The following PARD3B variants were observed in gnomAD, a reference collection of about 807,000 sequenced individuals.
PARD3B encodes the protein par-3 family cell polarity regulator beta.
Under a neutral mutation model 130.2 loss-of-function variants are expected in PARD3B, and 103 were observed. That is an observed-to-expected ratio of 0.79 (90% CI 0.67 to 0.93). The LOEUF is 0.93. Among genes scored for constraint, PARD3B ranks in the 40% least tolerant of loss-of-function variants. PARD3B has a pLI of 0.00. For synonymous variants in PARD3B, 583 were observed against 553.2 expected, an observed-to-expected ratio of 1.05 and a Z score of -0.76; for missense variants, 1,609 against 1,499.2, an observed-to-expected ratio of 1.07 and a Z score of -1.21.
intron 10 of PARD3B, among the ~76,000 whole-genome samples, chr2:205,152,822 G>A (rs890485782): frequency 2.0e-5 from 3 of 152,290 alleles, no homozygotes; most frequent in South Asian, 4.1e-4. Context: ...GCGATCCTTT[G>A]GAGGAGAAGA....
chr2:205,546,050 C>A (rs2052365280), intron 21 of PARD3B, among the ~76,000 whole-genome samples: 1 of 152,152 alleles, frequency 6.6e-6, no homozygotes. Context: ...TCCTAACACC[C>A]CAGCCGGCAG....
At chr2:205,380,307 A>G (rs187834496) in intron 18 of PARD3B, among the ~76,000 whole-genome samples, 6 of 20,992 alleles carry the variant, frequency 2.9e-4, no homozygotes, top group Admixed American at 1.3e-3. Flanking sequence ...TATATATTAT[A>G]TAAAGAATAT....
intron 20 of PARD3B, among the ~76,000 whole-genome samples, chr2:205,455,702 G>C (rs1349210764): frequency 1.3e-5 from 2 of 151,886 alleles, no homozygotes; most frequent in Non-Finnish European, 2.9e-5. Flanking sequence ...TCTAGAGTCA[G>C]AAGTTGCAGA....
chr2:205,479,895 ATTTTTTTTTTT>A (rs71032475), intron 20 of PARD3B, among the ~76,000 whole-genome samples: 11,720 of 128,062 alleles, frequency 0.092, 521 homozygotes, highest in East Asian at 0.13. Flanking sequence ...GCCATATGCA[ATTTTTTTTTTT>A]TTTTTTTTTT....
chr2:205,170,537 A>G (rs990092396), intron 11 of PARD3B, among the ~76,000 whole-genome samples: 2 of 152,218 alleles, frequency 1.3e-5, no homozygotes, highest in African/African-American at 2.4e-5. Context: ...CGGCCCCTGC[A>G]ATCCCACGTG....
intron 14 of PARD3B, among the ~76,000 whole-genome samples, chr2:205,189,038 G>C (rs2036252249): frequency 6.6e-6 from 1 of 152,182 alleles, no homozygotes; most frequent in Non-Finnish European, 1.5e-5. Flanking sequence ...TAAACTTACT[G>C]TGAGATCTCA....
chr2:205,147,630 G>T (rs1480751024), intron 10 of PARD3B, among the ~76,000 whole-genome samples: 1 of 151,992 alleles, frequency 6.6e-6, no homozygotes, highest in African/African-American at 2.4e-5. Context: ...GAAAAAAAAT[G>T]TCTGAATTAT....
chr2:205,073,637 A>G (rs1700872878), intron 4 of PARD3B, among the ~76,000 whole-genome samples: 1 of 152,122 alleles, frequency 6.6e-6, no homozygotes, highest in Non-Finnish European at 1.5e-5. Context: ...AGTAGGATAA[A>G]CTTGTTTTTA....
In PARD3B at chr2:205,595,830, C is replaced by G. The variant is rs561674964; in HGVS notation, c.3261-19626C>G. Among the ~76,000 whole-genome samples, 3 of 152,148 alleles carry G rather than the reference C, an allele frequency of 2.0e-5. No individual in the cohort carries two copies. In the South Asian group the frequency reaches 6.2e-4, roughly 32 times the overall value. ...AAGCACTCATCAATGGCCCTGGACC[C>G]ACATACTAGTTTGCTAAAAGGAGTG... On this transcript the variant is annotated intron_variant, in intron 22 of 22. Coordinates refer to ENST00000406610, the MANE Select transcript of PARD3B (RefSeq NM_001302769.2).
In PARD3B at chr2:205,194,694, A is replaced by AAGAG. The variant is rs200853434; in HGVS notation, c.2140+1378_2140+1381dup. ...GAAAAAACAGCACCCATTTTAAATT[A>AAGAG]AGAGAGAAAAAATATTATGAAACCT... On this transcript the variant is annotated intron_variant, in intron 15 of 22. Coordinates refer to ENST00000406610, the MANE Select transcript of PARD3B (RefSeq NM_001302769.2). 1.7e-3 allele frequency among the ~76,000 whole-genome samples: 257 copies of AAGAG among 152,274 alleles called. 8 individuals are homozygous for AAGAG. In the East Asian group the frequency reaches 0.039, roughly 23 times the overall value.
chr2:205,457,694 A>T (rs2048321201), intron 20 of PARD3B, among the ~76,000 whole-genome samples: 1 of 151,540 alleles, frequency 6.6e-6, no homozygotes, highest in African/African-American at 2.4e-5. Context: ...ATTGCCAGTG[A>T]TTTTTTTCTT....
intron 18 of PARD3B, among the ~76,000 whole-genome samples, chr2:205,384,435 T>C (rs567274128): frequency 6.6e-6 from 1 of 152,198 alleles, no homozygotes; most frequent in East Asian, 1.9e-4. Context: ...TCTAGTAAAA[T>C]AGATCTGAGT....
At chr2:204,894,025 C>T (rs2125693997) in intron 2 of PARD3B, among the ~76,000 whole-genome samples, 1 of 151,132 alleles carries the variant, frequency 6.6e-6, no homozygotes, top group South Asian at 2.1e-4. Context: ...TTCAAAGACA[C>T]TAAGACCTTA....
rs1213162477 is a variant in PARD3B, at chr2:205,104,406, A to T, written c.505-20A>T. On this transcript the variant is annotated intron_variant, in intron 4 of 22. Transcript: ENST00000406610. The stretch of plus-strand genomic sequence containing the variant: ...TCAATATGCACAGCATCACATGCTT[A>T]TGACTTTGTTTCACTATAGGATTCC... The T allele has an allele frequency of 1.3e-6, 2 of 1,525,790 alleles. No individual in the cohort carries two copies. The highest frequency in any genetic ancestry group is 2.3e-5 in the East Asian group (1 of 44,352). 94.5% of individuals were successfully genotyped at this position (1,525,790 alleles called of 1,614,324 possible). A position where few individuals can be genotyped will look rare whatever the true frequency, so the allele number is the denominator to read the frequency against.
In PARD3B at chr2:204,861,126, A is replaced by G. The variant is rs994427455; in HGVS notation, c.223-104026A>G. On this transcript the variant is annotated intron_variant, in intron 2 of 22. Transcript: ENST00000406610. ...TCATTGGGGGCTGCTACAATTTTTC[A>G]TTTGTAGCTTTTTCACCTATTGCTA... Among the ~76,000 whole-genome samples the G allele has an allele frequency of 3.5e-5, 5 of 142,410 alleles. No homozygotes were observed. The Admixed American group carries it at 3.6e-4, about 10-fold the overall frequency. The allele number at this position is 142,410 out of a possible 152,430, so 93.4% of individuals were successfully genotyped here. A position where few individuals can be genotyped will look rare whatever the true frequency, so the allele number is the denominator to read the frequency against.
intron 11 of PARD3B, among the ~76,000 whole-genome samples, chr2:205,166,736 C>T (rs1221034516): frequency 6.6e-6 from 1 of 152,120 alleles, no homozygotes; most frequent in Admixed American, 6.5e-5. Flanking sequence ...GAGAAGGATT[C>T]GTTGAAGATA....
At chr2:204,919,927 C>CTT (rs568605072) in intron 2 of PARD3B, among the ~76,000 whole-genome samples, 1 of 148,194 alleles carries the variant, frequency 6.7e-6, no homozygotes, top group East Asian at 2.0e-4. Context: ...CAGACAGTCA[C>CTT]TTTTTTTTTT....
chr2:204,706,260 G>A (rs950362450), intron 2 of PARD3B, among the ~76,000 whole-genome samples: 27 of 151,710 alleles, frequency 1.8e-4, no homozygotes, highest in Admixed American at 3.3e-4. Flanking sequence ...CCAGCCACTC[G>A]GGAGGCTGAG....
Position 205,241,496 on chromosome 2 carries a change from C to T in PARD3B, c.2141-4282C>T, listed in dbSNP as rs768960555. ...CTTCAATTATTGTAATATCCATTTACGATAATCAAGAGCAAGTAGTACCAG... is the reference window on the plus strand; with the variant it reads ...CTTCAATTATTGTAATATCCATTTATGATAATCAAGAGCAAGTAGTACCAG... On this transcript the variant is annotated intron_variant, in intron 15 of 22. Transcript: ENST00000406610. This position sits in a 1 kb window ranked among gnomAD's most constrained non-coding sequence, Gnocchi z 4.2. Among the ~76,000 whole-genome samples, 3 of 151,658 alleles carry T rather than the reference C, an allele frequency of 2.0e-5. No homozygotes were observed. Among genetic ancestry groups the T allele is most frequent in the South Asian group, 2.1e-4 (1 of 4,808 alleles).
Sources: allele counts gnomAD v4.1 joint callset (sites outside exome capture counted in the v4.1 genomes callset), GRCh38; gene constraint gnomAD v4.1.1; non-coding constraint Gnocchi (gnomAD v3.1); transcripts MANE v1.5; gene names NCBI Gene and HGNC (gene_info 2026-07-23, HGNC 2026-07-21).